The following ZDHHC20 variants were observed in gnomAD, a reference collection of about 807,000 sequenced individuals.
ZDHHC20 encodes palmitoyltransferase ZDHHC20.
In ZDHHC20, 43 loss-of-function variants were observed where a neutral mutation model predicts 57.8. That is an observed-to-expected ratio of 0.74 (90% CI 0.58 to 0.96). ZDHHC20 has a LOEUF of 0.96. Among genes scored for constraint, ZDHHC20 ranks in the 40% least tolerant of loss-of-function variants. The pLI is 0.00. For missense variants in ZDHHC20, 391 were observed against 441.1 expected (o/e 0.89, Z 1.02); for synonymous variants, 157 against 153.0 (o/e 1.03, Z -0.19).
At position 21,378,652 on chromosome 13, in the gene ZDHHC20, C is replaced by A; in HGVS notation, c.*40+9G>T. On this transcript the variant is annotated intron_variant, in intron 12 of 12. Coordinates refer to ENST00000400590, the MANE Select transcript of ZDHHC20 (RefSeq NM_001330059.2). ...CATTTATTCAAGGATTACCTTTATA[C>A]TGTCTTACCTTGCTCTTATTCAAAT... 1 of 1,345,286 alleles carries A rather than the reference C, an allele frequency of 7.4e-7. No individual in the cohort carries two copies. The highest frequency in any genetic ancestry group is 9.7e-7 in the Non-Finnish European group (1 of 1,027,240). The allele number at this position is 1,345,286 out of a possible 1,614,324, so 83.3% of individuals were successfully genotyped here.
intron 3 of ZDHHC20, among the ~76,000 whole-genome samples, chr13:21,417,598 C>G (rs1195632914): frequency 6.6e-6 from 1 of 152,126 alleles, no homozygotes; most frequent in Non-Finnish European, 1.5e-5. Context: ...TGCCACCACA[C>G]CCGGCTAATT....
At chr13:21,392,602 T>C (rs1875941588) in intron 7 of ZDHHC20, among the ~76,000 whole-genome samples, 1 of 152,190 alleles carries the variant, frequency 6.6e-6, no homozygotes, top group African/African-American at 2.4e-5. Flanking sequence ...TATGGCTATA[T>C]ACATTTTAAC....
At chr13:21,381,944 A>T (rs1188250910) in intron 10 of ZDHHC20, 1 of 523,322 alleles carries the variant, frequency 1.9e-6, no homozygotes, top group African/African-American at 1.9e-5. Context: ...TGCAGTTTAG[A>T]TCTAAGGGGA....
At chr13:21,388,122 G>A (rs950356059) in intron 8 of ZDHHC20, among the ~76,000 whole-genome samples, 1 of 152,132 alleles carries the variant, frequency 6.6e-6, no homozygotes, top group African/African-American at 2.4e-5. Flanking sequence ...GGTGAAGGAA[G>A]CTAATTTTGT....
rs185617002 is a variant in ZDHHC20, at chr13:21,443,738, G to C, written c.118+15316C>G. Among the ~76,000 whole-genome samples the C allele has an allele frequency of 7.6e-4, 115 of 152,280 alleles. 1 individual carries two copies. In the East Asian group the frequency reaches 0.02, roughly 27 times the overall value. ...AGCGCATTAAATGCATGAATAGTAA[G>C]GATAATTATTACCATTTCCTGGGGT... On this transcript the variant is annotated intron_variant, in intron 1 of 12. Coordinates refer to ENST00000400590, the MANE Select transcript of ZDHHC20 (RefSeq NM_001330059.2).
intron 1 of ZDHHC20, among the ~76,000 whole-genome samples, chr13:21,429,167 G>C (rs1378879311): frequency 1.3e-5 from 2 of 152,124 alleles, no homozygotes; most frequent in African/African-American, 2.4e-5. Context: ...ATGGCTATGG[G>C]ATCCAGTTCT....
At chr13:21,391,633 T>A in intron 8 of ZDHHC20, 89 bp downstream of exon 8, 1 of 1,373,504 alleles carries the variant, frequency 7.3e-7, no homozygotes, top group East Asian at 2.4e-5. Context: ...CTTACACTTC[T>A]GTATCATCTG....
chr13:21,402,910 CT>C, intron 4 of ZDHHC20, 44 bp from the exon 5 acceptor site: 2 of 1,444,638 alleles, frequency 1.4e-6, no homozygotes, highest in Non-Finnish European at 1.9e-6. Flanking sequence ...GATGTACAAA[CT>C]TAACTAATTT....
intron 2 of ZDHHC20, among the ~76,000 whole-genome samples, chr13:21,423,766 T>G (rs1027461535): frequency 2.6e-5 from 4 of 151,596 alleles, no homozygotes; most frequent in African/African-American, 9.7e-5. Context: ...TGGAAAAGTG[T>G]GCAAGAACTT....
chr13:21,384,079 T>C (rs1873978586), intron 9 of ZDHHC20, among the ~76,000 whole-genome samples: 1 of 151,154 alleles, frequency 6.6e-6, no homozygotes, highest in Non-Finnish European at 1.5e-5. Flanking sequence ...CCTGGCACTA[T>C]GGGGGGTGGG....
intron 8 of ZDHHC20, 104 bp from the exon 9 acceptor site, chr13:21,387,738 T>A: frequency 1.7e-6 from 1 of 589,342 alleles, no homozygotes; most frequent in Non-Finnish European, 2.5e-6. Flanking sequence ...ACAAAAACTG[T>A]AAATATAATT....
intron 1 of ZDHHC20, among the ~76,000 whole-genome samples, chr13:21,454,731 A>T (rs9509732): frequency 2.0e-5 from 3 of 152,176 alleles, no homozygotes; most frequent in Non-Finnish European, 4.4e-5. Context: ...GCTAGCATGT[A>T]CAATGATAGT....
intron 7 of ZDHHC20, among the ~76,000 whole-genome samples, chr13:21,399,208 T>C (rs540404691): frequency 1.3e-5 from 2 of 151,974 alleles, no homozygotes; most frequent in African/African-American, 4.8e-5. Context: ...CCAGGCATTG[T>C]GGTGGAGCAC....
chr13:21,426,730 C>T (rs1016411911), intron 1 of ZDHHC20, among the ~76,000 whole-genome samples: 2 of 151,848 alleles, frequency 1.3e-5, no homozygotes, highest in Non-Finnish European at 2.9e-5. Flanking sequence ...CTCAGCTTCC[C>T]GAGTAGCTGG....
At chr13:21,438,136 C>T (rs2137989465) in intron 1 of ZDHHC20, among the ~76,000 whole-genome samples, 1 of 152,296 alleles carries the variant, frequency 6.6e-6, no homozygotes, top group Admixed American at 6.5e-5. Context: ...TGTTTTTATG[C>T]CTGCTAACAC....
At chr13:21,397,538 C>T (rs1446101195) in intron 7 of ZDHHC20, among the ~76,000 whole-genome samples, 3 of 151,680 alleles carry the variant, frequency 2.0e-5, no homozygotes, top group East Asian at 1.9e-4. Flanking sequence ...GGTGCCTGCC[C>T]ATGGTCCCAG....
At chr13:21,376,728 G>T in intron 12 of ZDHHC20, 73 bp from the exon 13 acceptor site, 1 of 947,150 alleles carries the variant, frequency 1.1e-6, no homozygotes, top group Non-Finnish European at 1.5e-6. Context: ...AAATGGTTCT[G>T]TGGGCTAAGG....
intron 1 of ZDHHC20, among the ~76,000 whole-genome samples, chr13:21,439,015 C>T (rs141888022): frequency 2.0e-5 from 3 of 152,328 alleles, no homozygotes; most frequent in Admixed American, 1.3e-4. Flanking sequence ...TAACAGACTA[C>T]AGTATAGGGT....
chr13:21,406,521 C>T (rs1318906898), intron 4 of ZDHHC20, among the ~76,000 whole-genome samples: 1 of 152,086 alleles, frequency 6.6e-6, no homozygotes, highest in Non-Finnish European at 1.5e-5. Context: ...TCTCCTAATG[C>T]TATCCCTCCC....
Sources: allele counts gnomAD v4.1 joint callset (sites outside exome capture counted in the v4.1 genomes callset), GRCh38; gene constraint gnomAD v4.1.1; transcripts MANE v1.5; gene names NCBI Gene and HGNC (gene_info 2026-07-23, HGNC 2026-07-21).